Variants in DHX15 observed in about 807,000 individuals in gnomAD.
The protein encoded by DHX15 is ATP-dependent RNA helicase DHX15.
In DHX15, 11 loss-of-function variants were observed where a neutral mutation model predicts 94.4. The observed-to-expected ratio is 0.12, with a 90% confidence interval of 0.07 to 0.19. DHX15 has a LOEUF of 0.19. Among genes scored for constraint, DHX15 ranks in the 10% least tolerant of loss-of-function variants. The pLI is 1.00. For synonymous variants in DHX15, 338 were observed against 329.9 expected, an observed-to-expected ratio of 1.02 and a Z score of -0.27; for missense variants, 304 against 988.5, an observed-to-expected ratio of 0.31 and a Z score of 9.29.
chr4:24,583,705 T>G (rs1452927907), intron 1 of DHX15, among the ~76,000 whole-genome samples: 1 of 151,932 alleles, frequency 6.6e-6, no homozygotes, highest in Non-Finnish European at 1.5e-5. Context: ...TTACTCCACG[T>G]TTTCCTTTCT....
At chr4:24,535,652 G>A (rs957235906) in intron 11 of DHX15, among the ~76,000 whole-genome samples, 2 of 152,112 alleles carry the variant, frequency 1.3e-5, no homozygotes, top group Admixed American at 1.3e-4. Context: ...CTTTCTCACT[G>A]CTAGTCATCA....
At chr4:24,538,570 T>G (rs1721240300) in intron 10 of DHX15, 2 of 152,118 alleles carry the variant, frequency 1.3e-5, no homozygotes, top group South Asian at 4.1e-4. Flanking sequence ...AAACAAAGCA[T>G]TACAAGCTCA....
intron 6 of DHX15, among the ~76,000 whole-genome samples, chr4:24,547,895 ATGTATG>A (rs1170429834): frequency 0.035 from 1,540 of 44,396 alleles, 38 homozygotes; most frequent in Non-Finnish European, 0.052. Context: ...CTCTCTATGT[ATGTATG>A]TGTATATATA....
intron 3 of DHX15, among the ~76,000 whole-genome samples, chr4:24,569,709 C>T (rs751280447): frequency 1.3e-4 from 20 of 151,522 alleles, no homozygotes; most frequent in Admixed American, 2.6e-4. Context: ...GCCTACACAA[C>T]GCTCCAAAAT....
chr4:24,540,407 A>C, intron 9 of DHX15, 108 bp from the exon 10 acceptor site: 3 of 801,726 alleles, frequency 3.7e-6, no homozygotes, highest in Non-Finnish European at 3.9e-6. Context: ...AGTGGACCAA[A>C]CTCAAACTCA....
intron 2 of DHX15, among the ~76,000 whole-genome samples, chr4:24,574,308 G>C (rs1056088763): frequency 4.6e-5 from 7 of 151,218 alleles, no homozygotes; most frequent in South Asian, 4.2e-4. Context: ...GGCTTTAATG[G>C]TTTGAGTCAA....
intron 1 of DHX15, among the ~76,000 whole-genome samples, chr4:24,578,375 A>G (rs1182814388): frequency 1.3e-5 from 2 of 152,310 alleles, no homozygotes; most frequent in African/African-American, 2.4e-5. Context: ...GAGTACACAG[A>G]AATGTGCCCA....
intron 1 of DHX15, among the ~76,000 whole-genome samples, chr4:24,582,040 T>A (rs927202871): frequency 6.6e-6 from 1 of 152,122 alleles, no homozygotes; most frequent in Admixed American, 6.5e-5. Context: ...GACAAGCTTA[T>A]GCTCTCCAAT....
chr4:24,542,060 T>A (rs1323793808), intron 7 of DHX15, 38 bp from the exon 8 acceptor site: 1 of 1,536,310 alleles, frequency 6.5e-7, no homozygotes, highest in Admixed American at 1.9e-5. Flanking sequence ...CTTTCTTCAG[T>A]CAAACACAAA....
At chr4:24,529,180 C>T (rs561095115) in intron 13 of DHX15, among the ~76,000 whole-genome samples, 5 of 152,192 alleles carry the variant, frequency 3.3e-5, no homozygotes, top group African/African-American at 4.8e-5. Context: ...GCAGCACCAC[C>T]ATGCCCAGCT....
chr4:24,578,310 G>C (rs973353833), intron 1 of DHX15, among the ~76,000 whole-genome samples: 1 of 152,202 alleles, frequency 6.6e-6, no homozygotes, highest in Non-Finnish European at 1.5e-5. Flanking sequence ...TAAGGTGACT[G>C]TTAATTAAGT....
At chr4:24,538,737 GTTTT>G (rs3840306) in intron 10 of DHX15, 1 of 151,658 alleles carries the variant, frequency 6.6e-6, no homozygotes, top group Non-Finnish European at 1.5e-5. Flanking sequence ...ATAAAAATAA[GTTTT>G]TTTTAATTAC....
intron 5 of DHX15, 51 bp downstream of exon 5, chr4:24,554,674 A>C (rs771059741): frequency 1.4e-6 from 2 of 1,397,074 alleles, no homozygotes; most frequent in Admixed American, 3.6e-5. Flanking sequence ...GTTGCTGCAT[A>C]TTAGAAACAG....
chr4:24,536,167 A>G (rs1721193827), intron 11 of DHX15, among the ~76,000 whole-genome samples: 1 of 152,190 alleles, frequency 6.6e-6, no homozygotes, highest in Non-Finnish European at 1.5e-5. Flanking sequence ...GTCACTGACA[A>G]ATGTTTTTCA....
intron 1 of DHX15, among the ~76,000 whole-genome samples, chr4:24,577,072 G>A (rs1055369985): frequency 2.0e-5 from 3 of 152,198 alleles, no homozygotes; most frequent in Non-Finnish European, 4.4e-5. Context: ...TTTGTGAAGA[G>A]GTATTTTGTG....
chr4:24,549,522 A>G (rs1721538985), intron 5 of DHX15, among the ~76,000 whole-genome samples: 1 of 152,246 alleles, frequency 6.6e-6, no homozygotes, highest in Non-Finnish European at 1.5e-5. Context: ...TTTAAGAACT[A>G]GGCTAACCCA....
At position 24,547,881 on chromosome 4, in the gene DHX15, CTCTCTCTCTA is replaced by C. The variant is rs1283313485; in HGVS notation, c.1248+964_1248+973del. Among the ~76,000 whole-genome samples the C allele has an allele frequency of 4.0e-4, 12 of 29,706 alleles. No homozygotes were observed. In the South Asian group the frequency reaches 0.012, roughly 29 times the overall value. The allele number at this position is 29,706 out of a possible 152,430, so 19.5% of individuals were successfully genotyped here. A position where few individuals can be genotyped will look rare whatever the true frequency, so the allele number is the denominator to read the frequency against. On this transcript the variant is annotated intron_variant, in intron 6 of 13. Coordinates refer to ENST00000336812, the MANE Select transcript of DHX15 (RefSeq NM_001358.3). ...TATATGTCTCTCTCTCTCTCTCTCT[CTCTCTCTCTA>C]TGTATGTATGTGTATATATATATAT...
rs1286687672 is a variant in DHX15 at position 24,531,112 on chromosome 4, G to A, written c.2101-1342C>T. Among the ~76,000 whole-genome samples, 5 of 149,380 alleles carry A rather than the reference G, an allele frequency of 3.3e-5. No homozygotes were observed. The East Asian group carries it at 7.9e-4, about 23-fold the overall frequency. On this transcript the variant is annotated intron_variant, in intron 12 of 13. Transcript: ENST00000336812. ...TCAATTTTTTTTTTTTTTTTGAGAC[G>A]GAGTCTCGCTCTGTCGCCCAGGCTG...
chr4:24,556,376 T>G lies in DHX15; in HGVS notation c.736A>C (p.Met246Leu). 6.2e-7 allele frequency: 1 copy of G among 1,613,716 alleles called. No individual in the cohort carries two copies. The highest frequency in any genetic ancestry group is 8.5e-7 in the Non-Finnish European group (1 of 1,179,702). The change falls in exon 4 of 14, where the codon ATG becomes CTG. Residue 246 changes from methionine to leucine, a missense_variant. Coordinates refer to ENST00000336812, the MANE Select transcript of DHX15 (RefSeq NM_001358.3). ...TAACGCTCCAGGAGGGGATCATTCA[T>G]AGCTTCACGAAGTAACATCCCATCA... ...MTDGMLLREA[M>L]NDPLLERYGV...
Sources: allele counts gnomAD v4.1 joint callset (sites outside exome capture counted in the v4.1 genomes callset), GRCh38; gene constraint gnomAD v4.1.1; transcripts MANE v1.5; gene names NCBI Gene and HGNC (gene_info 2026-07-23, HGNC 2026-07-21).